WSCD2: variants seen among roughly 807,000 people sequenced by gnomAD.
WSCD2 encodes the protein sialate:O-sulfotransferase 2.
A neutral mutation model predicts 55.7 loss-of-function variants in WSCD2; 28 were observed. That is an observed-to-expected ratio of 0.50 (90% CI 0.37 to 0.69). The LOEUF (loss-of-function observed/expected upper bound fraction) is 0.69, where lower values mean the gene tolerates loss of function less well. WSCD2 is among the 30% of genes least tolerant of loss of function. The probability of loss-of-function intolerance (pLI) is 0.00; values close to 1 mark genes in which losing one functional copy is unlikely to be tolerated. For missense variants in WSCD2, 616 were observed against 762.1 expected (o/e 0.81, Z 2.26); for synonymous variants, 301 against 301.9 (o/e 1.00, Z 0.03).
Position 108,232,815 on chromosome 12 carries a change from C to T in WSCD2, c.1064C>T (p.Thr355Met), listed in dbSNP as rs761850455. The T allele has an allele frequency of 5.0e-6, 8 of 1,614,110 alleles. No individual in the cohort carries two copies. The highest frequency in any genetic ancestry group is 2.2e-5 in the East Asian group (1 of 44,884). ...GCCAGCTTCCCAGGTGCTGGCAACA[C>T]GTGGGCTCGCCACCTCATTGAATTG... The part of the protein sequence containing the change: ...ALASFPGAGN[T>M]WARHLIELAT... Residue 355 changes from threonine (T) to methionine (M), a missense_variant, in exon 7 of 9, where the codon ACG becomes ATG. Coordinates refer to ENST00000547525, the MANE Select transcript of WSCD2 (RefSeq NM_014653.4).
At position 108,248,239 on chromosome 12, in the gene WSCD2, A is replaced by C; in HGVS notation, c.1594A>C (p.Thr532Pro). The change falls in exon 9 of 9, where the codon ACT becomes CCT. Residue 532 changes from threonine (T) to proline (P), a missense_variant. By Grantham distance (38) the Thr-to-Pro change is conservative. Coordinates refer to ENST00000547525, the MANE Select transcript of WSCD2 (RefSeq NM_014653.4). This position sits in a 1 kb window ranked among gnomAD's most constrained non-coding sequence, Gnocchi z 4.3. ...GLRKLEYDPY[T>P]ADMQKTISAY... ...CCGGAAGCTCGAGTATGACCCCTAT[A>C]CTGCGGACATGCAGAAGACCATCTC... 1 of 1,614,186 alleles carries C rather than the reference A, an allele frequency of 6.2e-7. No homozygotes were observed. Among genetic ancestry groups the C allele is most frequent in the Non-Finnish European group, 8.5e-7 (1 of 1,180,040 alleles).
At chr12:108,139,920 G>A (rs988696304) in intron 1 of WSCD2, among the ~76,000 whole-genome samples, 1 of 152,268 alleles carries the variant, frequency 6.6e-6, no homozygotes. Context: ...GCTTGGGTTA[G>A]AGAGACCATC....
chr12:108,193,097 A>C lies in WSCD2; in HGVS notation c.-551-2185A>C, dbSNP rs374793322. Among the ~76,000 whole-genome samples, 7 of 152,192 alleles carry C rather than the reference A, an allele frequency of 4.6e-5. No homozygotes were observed. In the East Asian group the frequency reaches 5.8e-4, roughly 13 times the overall value. On this transcript the variant is annotated intron_variant, in intron 1 of 8. Coordinates refer to ENST00000547525, the MANE Select transcript of WSCD2 (RefSeq NM_014653.4). ...CTCTGTGACCCTGAACAAGTTACCTAATCTCTCTGATACTCATTCCCCTCT... is the reference window on the plus strand; with the variant it reads ...CTCTGTGACCCTGAACAAGTTACCTCATCTCTCTGATACTCATTCCCCTCT...
Position 108,210,215 on chromosome 12 carries a change from G to A in WSCD2, c.592G>A (p.Glu198Lys), listed in dbSNP as rs1221711719. The change falls in exon 4 of 9, where the codon GAG becomes AAG. Residue 198 changes from glutamate to lysine, a missense_variant. Around this residue, in one of 3 missense-constraint regions of WSCD2, gnomAD observed 374 missense variants for 467.4 expected, o/e 0.80. Transcript: ENST00000547525. This position sits in a 1 kb window ranked among gnomAD's most constrained non-coding sequence, Gnocchi z 4.3. ...CGTGAGCGAGGCAGAGTGCGACATG[G>A]AGTGCAAGGGCGAGCGAGGCAGCGT... is the stretch of plus-strand genomic sequence containing the variant. ...TNVSEAECDMECKGERGSVCG... is the reference protein window; with the variant it reads ...TNVSEAECDMKCKGERGSVCG... 1 of 1,613,876 alleles carries A rather than the reference G, an allele frequency of 6.2e-7. No homozygotes were observed. Among genetic ancestry groups the A allele is most frequent in the Admixed American group, 1.7e-5 (1 of 60,000 alleles).
chr12:108,137,726 C>G (rs1876366700), intron 1 of WSCD2, among the ~76,000 whole-genome samples: 8 of 152,202 alleles, frequency 5.3e-5, no homozygotes, highest in Admixed American at 5.2e-4. Context: ...TAGGCAGGAG[C>G]AAGGGCAAGG....
At chr12:108,133,343 G>A (rs1278917621) in intron 1 of WSCD2, among the ~76,000 whole-genome samples, 1 of 152,100 alleles carries the variant, frequency 6.6e-6, no homozygotes, top group Non-Finnish European at 1.5e-5. Context: ...TCTGAGTGGT[G>A]TTGTACTGTA....
intron 4 of WSCD2, among the ~76,000 whole-genome samples, chr12:108,223,232 A>T (rs1887722272): frequency 6.6e-6 from 1 of 152,256 alleles, no homozygotes; most frequent in African/African-American, 2.4e-5. Context: ...ACAACTGGGC[A>T]CCATGGCCTA....
intron 4 of WSCD2, among the ~76,000 whole-genome samples, chr12:108,218,667 C>G (rs1328567490): frequency 6.6e-6 from 1 of 152,174 alleles, no homozygotes; most frequent in Non-Finnish European, 1.5e-5. Flanking sequence ...TTAGAGGATG[C>G]AAGGGTGACT....
intron 1 of WSCD2, among the ~76,000 whole-genome samples, chr12:108,173,200 C>A (rs1185480551): frequency 6.6e-6 from 1 of 152,134 alleles, no homozygotes; most frequent in African/African-American, 2.4e-5. Flanking sequence ...TAGCAAAGCC[C>A]CAGCTCATCC....
intron 6 of WSCD2, among the ~76,000 whole-genome samples, chr12:108,227,661 G>A (rs569698583): frequency 4.6e-5 from 7 of 151,984 alleles, no homozygotes; most frequent in Non-Finnish European, 7.4e-5. Context: ...CTTTGCTAGC[G>A]GAATCCACAC....
At chr12:108,212,651 A>G (rs1886362271) in intron 4 of WSCD2, among the ~76,000 whole-genome samples, 1 of 150,976 alleles carries the variant, frequency 6.6e-6, no homozygotes, top group South Asian at 2.1e-4. Context: ...ACACACACAC[A>G]CACTGCTGTG....
rs1198421502 is a variant in WSCD2, at chr12:108,240,427, G to A, written c.1228G>A (p.Ala410Thr). The A allele has an allele frequency of 6.2e-7, 1 of 1,614,008 alleles. No homozygotes were observed. The highest frequency in any genetic ancestry group is 1.3e-5 in the African/African-American group (1 of 74,924). ...CGAAAGCGGCCAGAAAGAGATCGAG[G>A]CCTTCGACGCCGCCATCCTGCTCAT... ...THESGQKEIE[A>T]FDAAILLIRN... The change falls in exon 8 of 9, where the codon GCC (alanine) becomes ACC (threonine). Residue 410 changes from alanine (A) to threonine (T), a missense_variant. Around this residue, in one of 3 missense-constraint regions of WSCD2, gnomAD observed 234 missense variants for 264.6 expected, o/e 0.88. Coordinates refer to ENST00000547525, the MANE Select transcript of WSCD2 (RefSeq NM_014653.4).
At chr12:108,189,616 T>C (rs1469781496) in intron 1 of WSCD2, 3 of 152,236 alleles carry the variant, frequency 2.0e-5, no homozygotes, top group African/African-American at 7.2e-5. Context: ...TAAGTGTTGG[T>C]GTGGATTTGG....
At chr12:108,166,745 CTTCTTTCTTTCTTTCTTTTCTTTCTTTCT>C (rs1879652662) in intron 1 of WSCD2, among the ~76,000 whole-genome samples, 4 of 49,460 alleles carry the variant, frequency 8.1e-5, no homozygotes, top group Non-Finnish European at 1.7e-4. Context: ...TCTTTCTTTC[CTTCTTTCTTTCTTTCTTTTCTTTCTTTCT>C]TTCTTTCTTT....
intron 8 of WSCD2, among the ~76,000 whole-genome samples, chr12:108,244,296 C>T (rs1267445913): frequency 6.6e-6 from 1 of 152,050 alleles, no homozygotes; most frequent in Non-Finnish European, 1.5e-5. Context: ...TTCTTCTTTC[C>T]AATGAAGTAA....
At chr12:108,184,719 A>G (rs1882238770) in intron 1 of WSCD2, among the ~76,000 whole-genome samples, 1 of 152,208 alleles carries the variant, frequency 6.6e-6, no homozygotes, top group South Asian at 2.1e-4. Context: ...CTAGGATTCT[A>G]TGGTATCATA....
chr12:108,182,154 C>T (rs1260542064), intron 1 of WSCD2, among the ~76,000 whole-genome samples: 3 of 152,202 alleles, frequency 2.0e-5, no homozygotes, highest in Non-Finnish European at 4.4e-5. Flanking sequence ...ATCCTACCTC[C>T]AAGAGGTAAC....
intron 4 of WSCD2, among the ~76,000 whole-genome samples, chr12:108,215,211 C>G (rs893164463): frequency 2.6e-5 from 4 of 152,238 alleles, no homozygotes; most frequent in East Asian, 3.9e-4. Context: ...GCTCTTCTCC[C>G]CTAAGCAAAA....
intron 1 of WSCD2, among the ~76,000 whole-genome samples, chr12:108,173,783 A>C (rs1880491680): frequency 6.7e-6 from 1 of 149,216 alleles, no homozygotes. Context: ...GCAGGAAGCC[A>C]TTGAGGCAGA....
Sources: gnomAD v4.1 joint callset for allele counts (sites outside exome capture counted in the v4.1 genomes callset) on GRCh38, gnomAD v4.1.1 for gene constraint, gnomAD v4.1.1 regional missense constraint, Gnocchi (gnomAD v3.1) non-coding constraint, MANE v1.5 for transcripts, NCBI Gene and HGNC (gene_info 2026-07-23, HGNC 2026-07-21) for gene names.